FARS2: variants seen among roughly 807,000 people sequenced by gnomAD.
The protein encoded by FARS2 is phenylalanine--tRNA ligase, mitochondrial.
FARS2 carries 40 observed loss-of-function variants against 46.4 expected under a neutral mutation model. The ratio of observed to expected loss-of-function variants is 0.86; its 90% CI spans 0.67 to 1.12. The LOEUF is 1.12. Ranked by LOEUF, FARS2 falls within the 50% of genes most tolerant of loss-of-function variation. The probability of loss-of-function intolerance (pLI) is 0.00; values close to 1 mark genes in which losing one functional copy is unlikely to be tolerated. For synonymous variants in FARS2, 234 were observed against 214.9 expected (o/e 1.09, Z -0.78); for missense variants, 513 against 567.9 (o/e 0.90, Z 0.98).
chr6:5,570,310 T>C (rs1772567140), intron 5 of FARS2, among the ~76,000 whole-genome samples: 1 of 152,254 alleles, frequency 6.6e-6, no homozygotes, highest in African/African-American at 2.4e-5. Context: ...GAGACGATGA[T>C]ATTGAAAGTT....
chr6:5,576,647 C>T (rs1426802596), intron 5 of FARS2, among the ~76,000 whole-genome samples: 1 of 60,138 alleles, frequency 1.7e-5, no homozygotes, highest in African/African-American at 6.0e-5. Context: ...ATATATATAT[C>T]CTATTAGTTC....
intron 6 of FARS2, among the ~76,000 whole-genome samples, chr6:5,642,180 A>C (rs1776854480): frequency 1.3e-5 from 2 of 152,202 alleles, no homozygotes; most frequent in Non-Finnish European, 2.9e-5. Flanking sequence ...GTATTATAAC[A>C]CATGCATATG....
intron 4 of FARS2, among the ~76,000 whole-genome samples, chr6:5,440,919 CT>C (rs56965644): frequency 0.012 from 1,744 of 144,474 alleles, 31 homozygotes; most frequent in African/African-American, 0.037. Flanking sequence ...CATTTTCTTT[CT>C]TTTTTTTTTT....
At chr6:5,501,854 G>A (rs1767820972) in intron 4 of FARS2, among the ~76,000 whole-genome samples, 1 of 152,142 alleles carries the variant, frequency 6.6e-6, no homozygotes, top group Admixed American at 6.5e-5. Flanking sequence ...TGCCAGAATG[G>A]GCTTGATAGA....
At chr6:5,531,210 G>A (rs1487832608) in intron 4 of FARS2, among the ~76,000 whole-genome samples, 1 of 152,166 alleles carries the variant, frequency 6.6e-6, no homozygotes, top group Non-Finnish European at 1.5e-5. Context: ...TCTCCCCTCA[G>A]CCAGTCACTG....
chr6:5,480,887 A>G (rs186308890), intron 4 of FARS2, among the ~76,000 whole-genome samples: 3 of 152,346 alleles, frequency 2.0e-5, no homozygotes, highest in Admixed American at 6.5e-5. Flanking sequence ...TGCAGGATCT[A>G]TAGAAGACTA....
chr6:5,630,622 A>G lies in FARS2; in HGVS notation c.1217+17302A>G, dbSNP rs1776253687. ...TGCAGGGAAGTTTCACGTTGCTGTCATTTACCCGTTCTGATTTTCCTTCCT... is the reference window on the plus strand; with the variant it reads ...TGCAGGGAAGTTTCACGTTGCTGTCGTTTACCCGTTCTGATTTTCCTTCCT... On this transcript the variant is annotated intron_variant, in intron 6 of 6. Transcript: ENST00000274680. This position sits in a 1 kb window ranked among gnomAD's most constrained non-coding sequence, Gnocchi z 4.2. Among the ~76,000 whole-genome samples, 1 of 152,180 alleles carries G rather than the reference A, an allele frequency of 6.6e-6. No individual in the cohort carries two copies. The highest frequency in any genetic ancestry group is 1.5e-5 in the Non-Finnish European group (1 of 68,034).
chr6:5,689,422 G>A (rs1169995506), intron 6 of FARS2, among the ~76,000 whole-genome samples: 2 of 152,224 alleles, frequency 1.3e-5, no homozygotes, highest in Admixed American at 6.5e-5. Flanking sequence ...TGGTTTCAAA[G>A]AACATCTTTA....
At chr6:5,577,827 A>AG (rs1773077115) in intron 5 of FARS2, among the ~76,000 whole-genome samples, 1 of 151,692 alleles carries the variant, frequency 6.6e-6, no homozygotes, top group African/African-American at 2.4e-5. Context: ...TGAGAGATGG[A>AG]GTCTCACTCT....
intron 4 of FARS2, among the ~76,000 whole-genome samples, chr6:5,531,439 A>G (rs1769824470): frequency 6.6e-6 from 1 of 152,230 alleles, no homozygotes; most frequent in Non-Finnish European, 1.5e-5. Flanking sequence ...TCTAGGACTC[A>G]GGAAGGAAAG....
intron 1 of FARS2, 115 bp from the exon 2 acceptor site, chr6:5,368,435 G>C (rs778616808): frequency 3.6e-6 from 3 of 840,964 alleles, no homozygotes; most frequent in Non-Finnish European, 5.7e-6. Context: ...TGTGGAGGTC[G>C]TAGTGGGGGA....
chr6:5,759,430 A>C (rs543449642), intron 6 of FARS2, among the ~76,000 whole-genome samples: 1 of 152,246 alleles, frequency 6.6e-6, no homozygotes, highest in African/African-American at 2.4e-5. Flanking sequence ...TCTACAAGTC[A>C]TGTCTTGTTT....
chr6:5,709,639 A>G lies in FARS2; in HGVS notation c.1218-61652A>G, dbSNP rs1758983921. Among the ~76,000 whole-genome samples the G allele has an allele frequency of 2.6e-5, 4 of 151,660 alleles. No homozygotes were observed. In the South Asian group the frequency reaches 8.4e-4, roughly 32 times the overall value. On this transcript the variant is annotated intron_variant, in intron 6 of 6. Transcript: ENST00000274680. Reference sequence around the variant, plus strand: ...AGACAATGACATTGAGACCAAGAAGAAAATTATGGTCCCCTGTTGATGTTC... The same window carrying G: ...AGACAATGACATTGAGACCAAGAAGGAAATTATGGTCCCCTGTTGATGTTC...
Position 5,635,701 on chromosome 6 carries a change from C to T in FARS2, c.1217+22381C>T, listed in dbSNP as rs1367184149. ...GTGTGCAGGGTGGCGTTGGATGAGA[C>T]GTGCAGCCTGGCCAGGCCTCATGTC... On this transcript the variant is annotated intron_variant, in intron 6 of 6. Transcript: ENST00000274680. Among the ~76,000 whole-genome samples, 5 of 152,114 alleles carry T rather than the reference C, an allele frequency of 3.3e-5. No homozygotes were observed. The South Asian group carries it at 6.2e-4, about 19-fold the overall frequency.
Position 5,678,286 on chromosome 6 carries a change from G to A in FARS2, c.1217+64966G>A, listed in dbSNP as rs532833606. On this transcript the variant is annotated intron_variant, in intron 6 of 6. Transcript: ENST00000274680. ...CAGCCAAGACTATTTTGTAGACTTA[G>A]CAGATGTCCATGTTTTAAGGGACAT... 2.0e-5 allele frequency among the ~76,000 whole-genome samples: 3 copies of A among 152,312 alleles called. No individual in the cohort carries two copies. In the South Asian group the frequency reaches 6.2e-4, roughly 32 times the overall value.
rs185489180 is a variant in FARS2, at chr6:5,532,182, C to G, written c.905-12998C>G. On this transcript the variant is annotated intron_variant, in intron 4 of 6. Transcript: ENST00000274680. ...AAATCAGCAATGACAACATAGAAAG[C>G]ACACAGATGTCAGTAGCACTTCCTG... 1.4e-3 allele frequency among the ~76,000 whole-genome samples: 208 copies of G among 152,314 alleles called. 1 individual carries two copies. Among genetic ancestry groups the G allele is most frequent in the African/African-American group, 4.9e-3 (202 of 41,560 alleles).
At chr6:5,571,769 C>T (rs1490706211) in intron 5 of FARS2, among the ~76,000 whole-genome samples, 1 of 152,170 alleles carries the variant, frequency 6.6e-6, no homozygotes, top group Non-Finnish European at 1.5e-5. Context: ...TATCAGAAAT[C>T]CCCTCTCATC....
rs62385462 is a variant in FARS2, at chr6:5,608,316, G to T, written c.1066-4853G>T. 3.0e-3 allele frequency among the ~76,000 whole-genome samples: 452 copies of T among 152,216 alleles called. 1 individual carries two copies. The highest frequency in any genetic ancestry group is 5.0e-3 in the Non-Finnish European group (338 of 68,022). On this transcript the variant is annotated intron_variant, in intron 5 of 6. Transcript: ENST00000274680. The stretch of plus-strand genomic sequence containing the variant: ...TGCCTATGCCATTTCTATTCATTAG[G>T]TTCATAGCTGTTTCTTGTTTACTGC...
chr6:5,536,664 T>A (rs4960097), intron 4 of FARS2, among the ~76,000 whole-genome samples: 135,261 of 152,244 alleles, frequency 0.89, 60,138 homozygotes, highest in East Asian at 0.98. Flanking sequence ...TAGCCTGGTG[T>A]CCATGTAGCC....
Sources: allele counts gnomAD v4.1 joint callset (sites outside exome capture counted in the v4.1 genomes callset), GRCh38; gene constraint gnomAD v4.1.1; non-coding constraint Gnocchi (gnomAD v3.1); transcripts MANE v1.5; gene names NCBI Gene and HGNC (gene_info 2026-07-23, HGNC 2026-07-21).